Variants in AKR1C8 observed in about 807,000 individuals in gnomAD.
The protein encoded by AKR1C8 is aldo-keto reductase family 1 member C8.
chr10:5,141,480 G>A, the AKR1C8 span, among the ~76,000 whole-genome samples: 5 of 152,078 alleles, frequency 3.3e-5, no homozygotes, highest in Non-Finnish European at 7.4e-5. Context: ...CTTTCCAGAA[G>A]GCTTTCCATT....
chr10:5,169,586 C>T, the AKR1C8 span, among the ~76,000 whole-genome samples: 10 of 148,914 alleles, frequency 6.7e-5, no homozygotes, highest in African/African-American at 9.8e-5. Context: ...TGGAAAGATC[C>T]ATGTTTTTTT....
At chr10:5,148,632 C>T in the AKR1C8 span, among the ~76,000 whole-genome samples, 8 of 152,030 alleles carry the variant, frequency 5.3e-5, no homozygotes, top group African/African-American at 1.9e-4. Flanking sequence ...CTATCTTACA[C>T]GTGAAAACAA....
the AKR1C8 span, among the ~76,000 whole-genome samples, chr10:5,175,853 G>A: frequency 6.6e-6 from 1 of 152,072 alleles, no homozygotes; most frequent in African/African-American, 2.4e-5. Context: ...ATTTGTTTGA[G>A]TTCATTGTAG....
At chr10:5,125,387 C>T in the AKR1C8 span, among the ~76,000 whole-genome samples, 714 of 152,162 alleles carry the variant, frequency 4.7e-3, 14 homozygotes, top group African/African-American at 0.016. Context: ...AAGCTACCCA[C>T]CCTGGTAGCT....
chr10:5,125,981 C>T, the AKR1C8 span, among the ~76,000 whole-genome samples: 2 of 152,314 alleles, frequency 1.3e-5, no homozygotes, highest in East Asian at 3.9e-4. Context: ...ATCAAGACAA[C>T]ATCCCGTAGC....
At chr10:5,132,487 A>G in the AKR1C8 span, 2 of 1,008,582 alleles carry the variant, frequency 2.0e-6, no homozygotes, top group Non-Finnish European at 2.7e-6. Flanking sequence ...ATATGTGTCA[A>G]TAAATTGGAA....
the AKR1C8 span, among the ~76,000 whole-genome samples, chr10:5,173,644 C>T: frequency 5.6e-5 from 6 of 106,742 alleles, no homozygotes; most frequent in South Asian, 2.4e-4. Context: ...ACTAACAAAA[C>T]GATTAAAAAA....
the AKR1C8 span, chr10:5,155,484 T>C: frequency 6.9e-6 from 2 of 287,774 alleles, no homozygotes; most frequent in South Asian, 3.4e-5. Flanking sequence ...CAGTTTCACT[T>C]ACAGACACAT....
the AKR1C8 span, among the ~76,000 whole-genome samples, chr10:5,149,122 T>G: frequency 1.3e-5 from 2 of 151,960 alleles, no homozygotes; most frequent in Admixed American, 1.3e-4. Flanking sequence ...TAGAAAAAAA[T>G]GAAAACATAA....
At chr10:5,165,123 T>A in the AKR1C8 span, among the ~76,000 whole-genome samples, 1 of 152,170 alleles carries the variant, frequency 6.6e-6, no homozygotes, top group African/African-American at 2.4e-5. Flanking sequence ...TCCCTACTGA[T>A]AGACATTCAT....
At chr10:5,176,232 G>T in the AKR1C8 span, among the ~76,000 whole-genome samples, 1 of 136,170 alleles carries the variant, frequency 7.3e-6, no homozygotes, top group Admixed American at 7.5e-5. Flanking sequence ...TATTAAATAG[G>T]GATTCCTTTC....
At chr10:5,144,860 A>C in the AKR1C8 span, among the ~76,000 whole-genome samples, 1 of 152,142 alleles carries the variant, frequency 6.6e-6, no homozygotes, top group African/African-American at 2.4e-5. Flanking sequence ...ACTACGCTTT[A>C]TTTCTTTCTC....
chr10:5,122,481 C>T, the AKR1C8 span, among the ~76,000 whole-genome samples: 6 of 152,160 alleles, frequency 3.9e-5, no homozygotes, highest in African/African-American at 1.4e-4. Flanking sequence ...AGTGTAGACA[C>T]AATACCTGCC....
the AKR1C8 span, among the ~76,000 whole-genome samples, chr10:5,134,676 C>G: frequency 6.6e-6 from 1 of 152,164 alleles, no homozygotes; most frequent in Non-Finnish European, 1.5e-5. Context: ...CACACAGCAG[C>G]TCAGCAATAC....
the AKR1C8 span, among the ~76,000 whole-genome samples, chr10:5,117,115 AG>A: frequency 7.2e-6 from 1 of 139,624 alleles, no homozygotes; most frequent in African/African-American, 2.9e-5. Flanking sequence ...AAATTAAATG[AG>A]CACTGGCAGT....
At chr10:5,127,722 C>CAAAAA in the AKR1C8 span, among the ~76,000 whole-genome samples, 27 of 79,652 alleles carry the variant, frequency 3.4e-4, 1 homozygote, top group Non-Finnish European at 5.2e-4. Flanking sequence ...AAGACTCTGT[C>CAAAAA]AAAAAAAAAA....
chr10:5,132,823 T>TCA, the AKR1C8 span: 1,258 of 770,926 alleles, frequency 1.6e-3, 5 homozygotes, highest in African/African-American at 0.02. Context: ...AACAGGTAGT[T>TCA]CAGGCACAAA....
chr10:5,179,827 G>A, the AKR1C8 span, among the ~76,000 whole-genome samples: 1 of 152,072 alleles, frequency 6.6e-6, no homozygotes, highest in Non-Finnish European at 1.5e-5. Context: ...AGCTCCTTCA[G>A]CTCCTTTAAG....
the AKR1C8 span, among the ~76,000 whole-genome samples, chr10:5,171,925 C>A: frequency 1.3e-5 from 2 of 152,102 alleles, no homozygotes; most frequent in Non-Finnish European, 2.9e-5. Flanking sequence ...TTCTTACACA[C>A]CTTGCACATA....
Sources: gnomAD v4.1 joint callset for allele counts (sites outside exome capture counted in the v4.1 genomes callset) on GRCh38, gnomAD v4.1.1 for gene constraint, MANE v1.5 for transcripts, NCBI Gene and HGNC (gene_info 2026-07-23, HGNC 2026-07-21) for gene names.